Variants in KHDRBS2 observed in about 807,000 individuals in gnomAD.
KHDRBS2 encodes the protein KH RNA binding domain containing, signal transduction associated 2, also known as KH domain-containing, RNA-binding, signal transduction-associated protein 2.
Under a neutral mutation model 44.3 loss-of-function variants are expected in KHDRBS2, and 26 were observed. That is an observed-to-expected ratio of 0.59 (90% CI 0.43 to 0.81). The LOEUF (loss-of-function observed/expected upper bound fraction) is 0.81. Ranked by LOEUF, KHDRBS2 falls within the 40% of genes least tolerant of loss-of-function variation. KHDRBS2 has a pLI of 0.00. For synonymous variants in KHDRBS2, 194 were observed against 151.1 expected (o/e 1.28, Z -2.08); for missense variants, 476 against 433.1 (o/e 1.10, Z -0.88).
intron 3 of KHDRBS2, among the ~76,000 whole-genome samples, chr6:62,043,497 T>C (rs1302700923): frequency 6.6e-6 from 1 of 152,128 alleles, no homozygotes; most frequent in Non-Finnish European, 1.5e-5. Flanking sequence ...AAATGTAGCT[T>C]CTGTGCAAGC....
the KHDRBS2 span, among the ~76,000 whole-genome samples, chr6:61,594,236 A>C: frequency 9.8e-6 from 1 of 101,738 alleles, no homozygotes; most frequent in Non-Finnish European, 2.3e-5. Flanking sequence ...AAAAATGAGC[A>C]ACAGTTTAAA....
At chr6:61,668,934 A>G in the KHDRBS2 span, among the ~76,000 whole-genome samples, 1 of 151,038 alleles carries the variant, frequency 6.6e-6, no homozygotes, top group Non-Finnish European at 1.5e-5. Flanking sequence ...CTGTTAGTAA[A>G]CAAATAAGTA....
chr6:61,782,539 T>G (rs2127581892), intron 6 of KHDRBS2, among the ~76,000 whole-genome samples: 1 of 151,888 alleles, frequency 6.6e-6, no homozygotes, highest in African/African-American at 2.4e-5. Context: ...TACTTTCTTC[T>G]ATTCAAAAGA....
At chr6:61,648,740 C>T in the KHDRBS2 span, among the ~76,000 whole-genome samples, 2 of 152,062 alleles carry the variant, frequency 1.3e-5, no homozygotes, top group East Asian at 3.9e-4. Context: ...CAACGTGTGG[C>T]CTGAGTAAAA....
At chr6:62,271,177 G>T (rs1208800903) in intron 1 of KHDRBS2, among the ~76,000 whole-genome samples, 1 of 152,086 alleles carries the variant, frequency 6.6e-6, no homozygotes, top group Non-Finnish European at 1.5e-5. Flanking sequence ...ATATGTATGT[G>T]TATGTGTATA....
chr6:61,857,687 T>TAC, intron 6 of KHDRBS2, among the ~76,000 whole-genome samples: 1 of 152,008 alleles, frequency 6.6e-6, no homozygotes, highest in South Asian at 2.1e-4. Flanking sequence ...GAGCTTCCCC[T>TAC]TGTAGCTTTT....
chr6:62,063,000 A>G (rs1423029663), intron 2 of KHDRBS2, among the ~76,000 whole-genome samples: 3 of 151,130 alleles, frequency 2.0e-5, no homozygotes, highest in Non-Finnish European at 3.0e-5. Flanking sequence ...ACTACAAACA[A>G]CTCTATGCAA....
the KHDRBS2 span, among the ~76,000 whole-genome samples, chr6:61,662,632 A>G: frequency 8.5e-5 from 13 of 152,118 alleles, no homozygotes; most frequent in Non-Finnish European, 1.6e-4. Context: ...TTATGCAGCC[A>G]AAAAACACAT....
At chr6:61,723,143 G>C (rs1177597650) in intron 7 of KHDRBS2, among the ~76,000 whole-genome samples, 1 of 139,758 alleles carries the variant, frequency 7.2e-6, no homozygotes, top group African/African-American at 2.8e-5. Context: ...ATAGACAAGT[G>C]GCCTGACCAT....
chr6:62,016,856 G>T (rs895245965), intron 3 of KHDRBS2, among the ~76,000 whole-genome samples: 6 of 151,816 alleles, frequency 4.0e-5, no homozygotes, highest in Admixed American at 2.6e-4. Flanking sequence ...CAAAGGTAGG[G>T]TGTCCCATCT....
At chr6:62,255,585 C>G (rs1337351904) in intron 1 of KHDRBS2, among the ~76,000 whole-genome samples, 1 of 144,808 alleles carries the variant, frequency 6.9e-6, no homozygotes, top group Non-Finnish European at 1.5e-5. Context: ...CTGTATTTAC[C>G]CTCATTCCTC....
At chr6:62,007,747 C>A (rs891469504) in intron 3 of KHDRBS2, among the ~76,000 whole-genome samples, 1 of 151,988 alleles carries the variant, frequency 6.6e-6, no homozygotes. Flanking sequence ...AACGAGGAGG[C>A]TTTTCACAAA....
At position 62,020,698 on chromosome 6, in the gene KHDRBS2, C is replaced by T. The variant is rs150344920; in HGVS notation, c.336+27180G>A. 1.6e-4 allele frequency among the ~76,000 whole-genome samples: 25 copies of T among 152,090 alleles called. No homozygotes were observed. The East Asian group carries it at 4.4e-3, about 27-fold the overall frequency. On this transcript the variant is annotated intron_variant, in intron 3 of 8. Transcript: ENST00000281156. ...TTAACATTTAAAAGACCACCTTTAA[C>T]CTTGATACTATTCTTTTATCTGAAA...
chr6:61,934,579 A>C (rs918784868), intron 4 of KHDRBS2, among the ~76,000 whole-genome samples: 1 of 152,196 alleles, frequency 6.6e-6, no homozygotes, highest in Non-Finnish European at 1.5e-5. Flanking sequence ...GTGTAACATA[A>C]ACTTGTATTT....
intron 6 of KHDRBS2, among the ~76,000 whole-genome samples, chr6:61,775,044 A>T (rs1291879052): frequency 3.9e-5 from 6 of 152,168 alleles, no homozygotes; most frequent in Admixed American, 3.9e-4. Context: ...CAAAAACCAC[A>T]TGATTATCTC....
chr6:62,266,484 C>T (rs1839223679), intron 1 of KHDRBS2, among the ~76,000 whole-genome samples: 1 of 152,024 alleles, frequency 6.6e-6, no homozygotes, highest in Non-Finnish European at 1.5e-5. Flanking sequence ...TCTAAAGTTT[C>T]CCAGTGTGAT....
intron 4 of KHDRBS2, among the ~76,000 whole-genome samples, chr6:61,940,484 G>T (rs539959315): frequency 8.5e-5 from 13 of 152,266 alleles, no homozygotes; most frequent in Admixed American, 6.5e-4. Flanking sequence ...GGAGTGGAGG[G>T]TGGTTGTGCT....
At chr6:62,228,359 G>A (rs537051752) in intron 1 of KHDRBS2, among the ~76,000 whole-genome samples, 32 of 151,946 alleles carry the variant, frequency 2.1e-4, no homozygotes, top group Non-Finnish European at 3.2e-4. Flanking sequence ...CTGTGGGGTC[G>A]GTGGTGATAT....
At chr6:61,971,816 T>C (rs1164020361) in intron 4 of KHDRBS2, among the ~76,000 whole-genome samples, 1 of 152,186 alleles carries the variant, frequency 6.6e-6, no homozygotes, top group African/African-American at 2.4e-5. Flanking sequence ...AACACATTAC[T>C]ATCCAATCTG....
Sources: gnomAD v4.1 joint callset for allele counts (sites outside exome capture counted in the v4.1 genomes callset) on GRCh38, gnomAD v4.1.1 for gene constraint, MANE v1.5 for transcripts, NCBI Gene and HGNC (gene_info 2026-07-23, HGNC 2026-07-21) for gene names.